ADAMTS12: variants seen among roughly 807,000 people sequenced by gnomAD.
ADAMTS12 encodes the protein ADAM metallopeptidase with thrombospondin type 1 motif 12.
ADAMTS12 carries 118 observed loss-of-function variants against 167.8 expected under a neutral mutation model. The ratio of observed to expected loss-of-function variants is 0.70; its 90% CI spans 0.61 to 0.82. The LOEUF (loss-of-function observed/expected upper bound fraction) is 0.82. Ranked by LOEUF, ADAMTS12 falls within the 40% of genes least tolerant of loss-of-function variation. The pLI, the probability that ADAMTS12 is intolerant of heterozygous loss-of-function variation, is 0.00. For synonymous variants in ADAMTS12, 704 were observed against 716.9 expected, an observed-to-expected ratio of 0.98 and a Z score of 0.29; for missense variants, 1,916 against 1,998.8, an observed-to-expected ratio of 0.96 and a Z score of 0.79.
At chr5:33,581,815 G>A (rs1747077714) in intron 18 of ADAMTS12, among the ~76,000 whole-genome samples, 1 of 152,102 alleles carries the variant, frequency 6.6e-6, no homozygotes, top group South Asian at 2.1e-4. Flanking sequence ...TCATTAGGGT[G>A]GGCCCTAATG....
intron 10 of ADAMTS12, among the ~76,000 whole-genome samples, chr5:33,642,941 C>G (rs1740518028): frequency 6.6e-6 from 1 of 152,078 alleles, no homozygotes; most frequent in African/African-American, 2.4e-5. Flanking sequence ...AGCAGAACTT[C>G]AAGAAATGCA....
Position 33,645,574 on chromosome 5 carries a change from A to AT in ADAMTS12, c.1480-2105dup, listed in dbSNP as rs1208168679. ...GTTCATGCTTATCACTCCCCCTTTT[A>AT]TTTTTTTTCCTTCTTTCCGAGGATT... is the stretch of plus-strand genomic sequence containing the variant. On this transcript the variant is annotated intron_variant, in intron 9 of 23. Transcript: ENST00000504830. 2.6e-5 allele frequency among the ~76,000 whole-genome samples: 4 copies of AT among 151,272 alleles called. No homozygotes were observed. In the East Asian group the frequency reaches 7.8e-4, roughly 29 times the overall value.
chr5:33,587,784 C>T (rs1221636600), intron 18 of ADAMTS12, among the ~76,000 whole-genome samples: 1 of 152,136 alleles, frequency 6.6e-6, no homozygotes, highest in African/African-American at 2.4e-5. Context: ...CAAGGAAGCT[C>T]GTAAGATAAA....
intron 4 of ADAMTS12, 24 bp from the exon 5 acceptor site, chr5:33,683,125 T>C: frequency 6.5e-7 from 1 of 1,541,268 alleles, no homozygotes; most frequent in Non-Finnish European, 8.9e-7. Flanking sequence ...TAGAAAACCA[T>C]TAGCTCCACA....
At chr5:33,802,173 G>C (rs1056659391) in intron 2 of ADAMTS12, among the ~76,000 whole-genome samples, 1 of 152,188 alleles carries the variant, frequency 6.6e-6, no homozygotes, top group Non-Finnish European at 1.5e-5. Context: ...CCAGCCTCCA[G>C]TACTGTGAGA....
chr5:33,760,363 A>T (rs1353191553), intron 2 of ADAMTS12, among the ~76,000 whole-genome samples: 3 of 152,030 alleles, frequency 2.0e-5, no homozygotes, highest in Non-Finnish European at 4.4e-5. Flanking sequence ...CTAGGACGAT[A>T]AAAAGATGCC....
chr5:33,542,393 G>A (rs1483172340), intron 22 of ADAMTS12, among the ~76,000 whole-genome samples: 3 of 152,138 alleles, frequency 2.0e-5, no homozygotes, highest in South Asian at 2.1e-4. Context: ...AAGAGACTTA[G>A]ACTCCCACAC....
intron 22 of ADAMTS12, among the ~76,000 whole-genome samples, chr5:33,539,800 A>AT (rs1264361779): frequency 2.6e-5 from 4 of 152,136 alleles, no homozygotes; most frequent in Non-Finnish European, 5.9e-5. Context: ...GCAAGAAACC[A>AT]TTTTTTTAAA....
intron 10 of ADAMTS12, among the ~76,000 whole-genome samples, chr5:33,643,085 T>C (rs10058829): frequency 0.57 from 86,011 of 152,054 alleles, 24,993 homozygotes; most frequent in East Asian, 0.67. Flanking sequence ...GATAATAAGC[T>C]TAGGAAATGT....
chr5:33,816,593 C>T (rs892600511), intron 2 of ADAMTS12, among the ~76,000 whole-genome samples: 1 of 152,076 alleles, frequency 6.6e-6, no homozygotes, highest in East Asian at 1.9e-4. Context: ...CTAACATATC[C>T]AATCAAGAAT....
intron 15 of ADAMTS12, 78 bp downstream of exon 15, chr5:33,615,750 C>G (rs1738968239): frequency 1.3e-6 from 2 of 1,569,242 alleles, no homozygotes; most frequent in Non-Finnish European, 1.7e-6. Flanking sequence ...TTAATGTCCC[C>G]TAGCAAGTAC....
chr5:33,636,570 G>T lies in ADAMTS12; in HGVS notation c.1888+1007C>A, dbSNP rs145896855. On this transcript the variant is annotated intron_variant, in intron 12 of 23. Transcript: ENST00000504830. ...GGAGACCTGAGCTGAGCAAACCACT[G>T]CAGAGTCTTTCTTTCAAAAGCTATT... is the stretch of plus-strand genomic sequence containing the variant. Among the ~76,000 whole-genome samples the T allele has an allele frequency of 1.3e-3, 204 of 152,274 alleles. 2 individuals carry two copies. The highest frequency in any genetic ancestry group is 4.7e-3 in the African/African-American group (194 of 41,548).
chr5:33,694,268 T>G (rs909970880), intron 3 of ADAMTS12, among the ~76,000 whole-genome samples: 1 of 152,224 alleles, frequency 6.6e-6, no homozygotes, highest in African/African-American at 2.4e-5. Flanking sequence ...CTCTAATTCT[T>G]TTATTAATGT....
At chr5:33,694,365 T>C (rs1221670923) in intron 3 of ADAMTS12, among the ~76,000 whole-genome samples, 2 of 152,234 alleles carry the variant, frequency 1.3e-5, no homozygotes, top group African/African-American at 4.8e-5. Context: ...GTAACCTATA[T>C]AATTACTGAG....
At chr5:33,544,743 C>A (rs1744881711) in intron 22 of ADAMTS12, among the ~76,000 whole-genome samples, 1 of 152,090 alleles carries the variant, frequency 6.6e-6, no homozygotes, top group Non-Finnish European at 1.5e-5. Flanking sequence ...ACAAACCCGA[C>A]AAAAACAAGA....
chr5:33,722,272 A>G (rs897227500), intron 3 of ADAMTS12, among the ~76,000 whole-genome samples: 1 of 152,192 alleles, frequency 6.6e-6, no homozygotes, highest in African/African-American at 2.4e-5. Flanking sequence ...GATCTTTCCA[A>G]TGGACAAGTA....
chr5:33,570,265 G>A (rs1158935404), intron 19 of ADAMTS12, among the ~76,000 whole-genome samples: 1 of 152,142 alleles, frequency 6.6e-6, no homozygotes, highest in East Asian at 1.9e-4. Context: ...GATACTCCTT[G>A]AGAAGAGCAA....
At chr5:33,778,169 A>G (rs1454890161) in intron 2 of ADAMTS12, among the ~76,000 whole-genome samples, 1 of 152,168 alleles carries the variant, frequency 6.6e-6, no homozygotes, top group Non-Finnish European at 1.5e-5. Flanking sequence ...TATGGAAAAA[A>G]TTCTGAAATT....
intron 2 of ADAMTS12, among the ~76,000 whole-genome samples, chr5:33,832,144 A>G (rs1748325273): frequency 2.0e-5 from 3 of 152,248 alleles, no homozygotes; most frequent in African/African-American, 7.2e-5. Context: ...AGGTGTGAAC[A>G]GTATCTGCAG....
Sources: gnomAD v4.1 joint callset for allele counts (sites outside exome capture counted in the v4.1 genomes callset) on GRCh38, gnomAD v4.1.1 for gene constraint, MANE v1.5 for transcripts, NCBI Gene and HGNC (gene_info 2026-07-23, HGNC 2026-07-21) for gene names.